The following LRRC31 variants were observed in gnomAD, a reference collection of about 807,000 sequenced individuals.
LRRC31 encodes leucine rich repeat containing 31.
Under a neutral mutation model 46.7 loss-of-function variants are expected in LRRC31, and 35 were observed. That is an observed-to-expected ratio of 0.75 (90% CI 0.57 to 0.99). The LOEUF (loss-of-function observed/expected upper bound fraction) is 0.99, where lower values mean the gene tolerates loss of function less well. Ranked by LOEUF, LRRC31 falls within the 50% of genes least tolerant of loss-of-function variation. LRRC31 has a pLI of 0.00. For synonymous variants in LRRC31, 236 were observed against 235.1 expected, an observed-to-expected ratio of 1.00 and a Z score of -0.03; for missense variants, 613 against 626.1, an observed-to-expected ratio of 0.98 and a Z score of 0.22.
At chr3:169,865,368 A>G (rs1024652114) in intron 1 of LRRC31, among the ~76,000 whole-genome samples, 9 of 152,192 alleles carry the variant, frequency 5.9e-5, no homozygotes, top group African/African-American at 2.2e-4. Flanking sequence ...GTGGGGTGGG[A>G]GGCACCCATG....
intron 7 of LRRC31, among the ~76,000 whole-genome samples, chr3:169,848,736 G>A (rs995290144): frequency 6.6e-6 from 1 of 152,330 alleles, no homozygotes; most frequent in East Asian, 1.9e-4. Flanking sequence ...GATTACAGGC[G>A]TGAACCACCG....
At chr3:169,869,600 CA>C (rs774688767) in intron 1 of LRRC31, 32 bp downstream of exon 1, 1 of 1,533,312 alleles carries the variant, frequency 6.5e-7, no homozygotes, top group South Asian at 1.4e-5. Context: ...AAAACAAATA[CA>C]ACAGCAAAAA....
intron 7 of LRRC31, among the ~76,000 whole-genome samples, chr3:169,849,552 C>T (rs1335052080): frequency 6.6e-6 from 1 of 152,144 alleles, no homozygotes; most frequent in African/African-American, 2.4e-5. Context: ...CCTATAGACC[C>T]AGAAGCTACT....
chr3:169,853,908 T>C (rs977291724), intron 6 of LRRC31, among the ~76,000 whole-genome samples: 55 of 152,236 alleles, frequency 3.6e-4, no homozygotes, highest in Admixed American at 3.4e-3. Context: ...GTGCCAACCA[T>C]GTGCAGGTGC....
intron 3 of LRRC31, among the ~76,000 whole-genome samples, chr3:169,857,318 CTA>C (rs34162537): frequency 0.14 from 9,113 of 66,370 alleles, 992 homozygotes; most frequent in African/African-American, 0.28. Flanking sequence ...TATCACATGC[CTA>C]TATATATATA....
chr3:169,859,583 C>A (rs1781084145), intron 3 of LRRC31, among the ~76,000 whole-genome samples: 1 of 152,154 alleles, frequency 6.6e-6, no homozygotes, highest in Non-Finnish European at 1.5e-5. Flanking sequence ...AACCAGCAAG[C>A]ATTTTAGTAC....
At chr3:169,858,538 G>A (rs1407868929) in intron 3 of LRRC31, among the ~76,000 whole-genome samples, 2 of 152,184 alleles carry the variant, frequency 1.3e-5, no homozygotes, top group Non-Finnish European at 2.9e-5. Flanking sequence ...GAGAAAGAAG[G>A]ACTATCAGTT....
At chr3:169,863,244 A>G (rs1453236660) in intron 1 of LRRC31, among the ~76,000 whole-genome samples, 1 of 152,194 alleles carries the variant, frequency 6.6e-6, no homozygotes, top group Non-Finnish European at 1.5e-5. Context: ...AAATGAATAT[A>G]CATGTACTGA....
intron 1 of LRRC31, among the ~76,000 whole-genome samples, chr3:169,863,122 G>C (rs1781225150): frequency 6.6e-6 from 1 of 151,734 alleles, no homozygotes; most frequent in South Asian, 2.1e-4. Flanking sequence ...GACCTCAGGT[G>C]ATCCACCTAC....
chr3:169,855,166 G>C (rs575247658), intron 5 of LRRC31, among the ~76,000 whole-genome samples, 186 bp from the exon 6 acceptor site: 64 of 152,236 alleles, frequency 4.2e-4, no homozygotes, highest in Admixed American at 1.0e-3. Flanking sequence ...ACTCCCATCT[G>C]TAATCCTAGG....
chr3:169,866,254 G>A (rs1387632497), intron 1 of LRRC31, among the ~76,000 whole-genome samples: 1 of 152,190 alleles, frequency 6.6e-6, no homozygotes, highest in Non-Finnish European at 1.5e-5. Flanking sequence ...AAGAGACAAT[G>A]AGAGCTAGGC....
At chr3:169,840,781 T>TAA in intron 8 of LRRC31, among the ~76,000 whole-genome samples, 1 of 152,368 alleles carries the variant, frequency 6.6e-6, no homozygotes, top group Non-Finnish European at 1.5e-5. Context: ...CAATTCACCT[T>TAA]AGAGACCCCA....
intron 6 of LRRC31, 47 bp from the exon 7 acceptor site, chr3:169,851,833 G>C: frequency 6.3e-7 from 1 of 1,581,102 alleles, no homozygotes; most frequent in Non-Finnish European, 8.7e-7. Context: ...CATCTCACAG[G>C]GAGTCTTCTG....
At chr3:169,843,062 C>T (rs374222032) in intron 8 of LRRC31, among the ~76,000 whole-genome samples, 1 of 152,150 alleles carries the variant, frequency 6.6e-6, no homozygotes, top group East Asian at 1.9e-4. Flanking sequence ...ATATGGCACA[C>T]CTGACTTTAA....
At chr3:169,867,246 CTT>C (rs757102934) in intron 1 of LRRC31, among the ~76,000 whole-genome samples, 2,308 of 78,810 alleles carry the variant, frequency 0.029, 48 homozygotes, top group African/African-American at 0.099. Context: ...GAGATGGAGT[CTT>C]TTTTTTTTTT....
chr3:169,856,425 C>T lies in LRRC31; in HGVS notation c.734G>A (p.Ser245Asn). The T allele has an allele frequency of 6.2e-7, 1 of 1,607,462 alleles. No individual in the cohort carries two copies. The highest frequency in any genetic ancestry group is 8.5e-7 in the Non-Finnish European group (1 of 1,176,370). The change falls in exon 5 of 9, where the codon AGT becomes AAT. Residue 245 changes from serine to asparagine, a missense_variant. Ser to Asn is a conservative substitution (Grantham distance 46, BLOSUM62 1). Transcript: ENST00000316428. Reference protein sequence around the residue: ...INRDIVGSLNSIAQGLKSTSN... With the variant: ...INRDIVGSLNNIAQGLKSTSN... ...GGTGCTTTTTAATCCCTGAGCAATA[C>T]TGTTCAGACTGCCAACAATGTCTCT...
In LRRC31 at chr3:169,854,681, G is replaced by A. The variant is rs538617880; in HGVS notation, c.991+132C>T. ...CAAGTACTACATTGGGGCACTCACA[G>A]AACTGTTATGAATTGATCTTTCCAA... On this transcript the variant is annotated intron_variant, in intron 6 of 8. Coordinates refer to ENST00000316428, the MANE Select transcript of LRRC31 (RefSeq NM_024727.4). The A allele has an allele frequency of 4.2e-5, 29 of 690,104 alleles. No individual in the cohort carries two copies. In the African/African-American group the frequency reaches 4.6e-4, roughly 11 times the overall value. 42.7% of individuals were successfully genotyped at this position (690,104 alleles called of 1,614,324 possible).
In LRRC31 at chr3:169,857,355, C is replaced by T. The variant is rs1169145607; in HGVS notation, c.488-483G>A. 7.4e-5 allele frequency among the ~76,000 whole-genome samples: 7 copies of T among 94,952 alleles called. No individual in the cohort carries two copies. The East Asian group carries it at 2.7e-3, about 36-fold the overall frequency. The allele number at this position is 94,952 out of a possible 152,430, so 62.3% of individuals were successfully genotyped here. On this transcript the variant is annotated intron_variant, in intron 3 of 8. Transcript: ENST00000316428. ...ATATATATATATATATACACACACA[C>T]ACACACACACACACAAGTATATATA...
chr3:169,847,411 C>G lies in LRRC31; in HGVS notation c.1327+709G>C, dbSNP rs183476239. 5.9e-5 allele frequency among the ~76,000 whole-genome samples: 9 copies of G among 152,320 alleles called. 1 individual carries two copies. The East Asian group carries it at 1.7e-3, about 29-fold the overall frequency. ...TGTTGGTCAGGCTGGTCTTGAACTC[C>G]TGACCTCAAGTGATCCGCCAGCCTC... is the stretch of plus-strand genomic sequence containing the variant. On this transcript the variant is annotated intron_variant, in intron 8 of 8. Transcript: ENST00000316428.
Sources: gnomAD v4.1 joint callset for allele counts (sites outside exome capture counted in the v4.1 genomes callset) on GRCh38, gnomAD v4.1.1 for gene constraint, MANE v1.5 for transcripts, NCBI Gene and HGNC (gene_info 2026-07-23, HGNC 2026-07-21) for gene names.